DPP10: variants seen among roughly 807,000 people sequenced by gnomAD.
DPP10 encodes the protein inactive dipeptidyl peptidase 10.
In DPP10, 33 loss-of-function variants were observed where a neutral mutation model predicts 120.9. That is an observed-to-expected ratio of 0.27 (90% CI 0.21 to 0.37). DPP10 has a LOEUF of 0.37. DPP10 is among the 10% of genes least tolerant of loss of function. The pLI, the probability that DPP10 is intolerant of heterozygous loss-of-function variation, is 1.00. For missense variants in DPP10, 816 were observed against 942.8 expected (o/e 0.87, Z 1.76); for synonymous variants, 337 against 326.1 (o/e 1.03, Z -0.36).
At chr2:115,686,430 T>C (rs986970377) in intron 5 of DPP10, among the ~76,000 whole-genome samples, 1 of 152,084 alleles carries the variant, frequency 6.6e-6, no homozygotes, top group East Asian at 1.9e-4. Context: ...CATGAAAATG[T>C]TGTGACCAGA....
At chr2:115,148,191 T>C (rs962001885) in intron 1 of DPP10, among the ~76,000 whole-genome samples, 2 of 152,186 alleles carry the variant, frequency 1.3e-5, no homozygotes, top group East Asian at 3.9e-4. Context: ...TGTTTAGTTC[T>C]GCAATCAATA....
At chr2:115,001,325 T>C (rs1701425271) in intron 1 of DPP10, among the ~76,000 whole-genome samples, 2 of 152,162 alleles carry the variant, frequency 1.3e-5, no homozygotes, top group African/African-American at 2.4e-5. Context: ...TAGATGCAGA[T>C]AAGCCTTGAT....
At chr2:115,069,023 G>T (rs1241806643) in intron 1 of DPP10, among the ~76,000 whole-genome samples, 1 of 151,942 alleles carries the variant, frequency 6.6e-6, no homozygotes, top group Non-Finnish European at 1.5e-5. Context: ...TTCTTGTCAG[G>T]ATTACTTTTG....
Position 115,814,794 on chromosome 2 carries a change from G to A in DPP10, c.1702G>A (p.Asp568Asn), listed in dbSNP as rs1450920808. ...GGTCCAATATGTTGGTATTTGCAGG[G>A]ATGAAGAACCAGGAGGCCAGCTGGT... ...RNQYALLLIM[D>N]EEPGGQLVTD... is the part of the protein sequence containing the mutation. Residue 568 changes from aspartate to asparagine, a missense_variant and splice_region_variant, in exon 20 of 26, where the codon GAT becomes AAT. Asp to Asn is a conservative substitution (Grantham distance 23). Around this residue, in one of 3 missense-constraint regions of DPP10, gnomAD observed 592 missense variants for 649.0 expected, o/e 0.91. Coordinates refer to ENST00000410059, the MANE Select transcript of DPP10 (RefSeq NM_020868.6). The A allele has an allele frequency of 6.5e-7, 1 of 1,539,706 alleles. No homozygotes were observed. Among genetic ancestry groups the A allele is most frequent in the Non-Finnish European group, 8.9e-7 (1 of 1,128,696 alleles).
chr2:114,832,350 G>A (rs535763228), intron 1 of DPP10, among the ~76,000 whole-genome samples: 4 of 152,232 alleles, frequency 2.6e-5, no homozygotes, highest in South Asian at 4.1e-4. Flanking sequence ...TGGCTAACAC[G>A]GTGAAACACC....
intron 1 of DPP10, among the ~76,000 whole-genome samples, chr2:114,911,784 C>T (rs368943169): frequency 1.6e-4 from 25 of 152,100 alleles, no homozygotes; most frequent in African/African-American, 5.8e-4. Context: ...AGTGAGAAGA[C>T]TCTGAGGTTT....
chr2:114,940,440 C>T (rs568375944), intron 1 of DPP10, among the ~76,000 whole-genome samples: 14 of 151,860 alleles, frequency 9.2e-5, no homozygotes, highest in African/African-American at 3.4e-4. Context: ...GATTTGACAG[C>T]AGCAGACTTC....
intron 1 of DPP10, among the ~76,000 whole-genome samples, chr2:115,297,113 G>A (rs1470983701): frequency 1.3e-5 from 2 of 152,004 alleles, no homozygotes; most frequent in Non-Finnish European, 2.9e-5. Flanking sequence ...AATACTGTAT[G>A]CAAGTATCCC....
At chr2:115,361,831 G>A (rs1050983782) in intron 3 of DPP10, among the ~76,000 whole-genome samples, 3 of 152,010 alleles carry the variant, frequency 2.0e-5, no homozygotes, top group Non-Finnish European at 4.4e-5. Context: ...CAGAGGATCT[G>A]CTTGAGGTGT....
At chr2:115,420,405 T>C (rs1262708959) in intron 3 of DPP10, among the ~76,000 whole-genome samples, 1 of 152,204 alleles carries the variant, frequency 6.6e-6, no homozygotes, top group Non-Finnish European at 1.5e-5. Flanking sequence ...TTATCCATTA[T>C]GGATTAGAGT....
chr2:115,387,473 G>A (rs1002550772), intron 3 of DPP10, among the ~76,000 whole-genome samples: 1 of 152,084 alleles, frequency 6.6e-6, no homozygotes, highest in African/African-American at 2.4e-5. Context: ...TCATATCAAA[G>A]CAAAGTAGCA....
chr2:115,579,765 C>G (rs1048463991), intron 5 of DPP10: 5 of 152,172 alleles, frequency 3.3e-5, no homozygotes, highest in African/African-American at 1.2e-4. Context: ...TTCTCTCTCT[C>G]TCAGTTTCTC....
chr2:114,716,993 T>C (rs1160618617), intron 1 of DPP10, among the ~76,000 whole-genome samples: 1 of 152,056 alleles, frequency 6.6e-6, no homozygotes, highest in East Asian at 1.9e-4. Flanking sequence ...ACTTGAGGAG[T>C]GGAGAAGACT....
At chr2:114,665,313 G>T (rs1256552272) in intron 1 of DPP10, among the ~76,000 whole-genome samples, 1 of 152,176 alleles carries the variant, frequency 6.6e-6, no homozygotes, top group Non-Finnish European at 1.5e-5. Context: ...GGCCTATGCA[G>T]CTTTTTCTAC....
At chr2:114,647,046 C>G (rs948888234) in intron 1 of DPP10, among the ~76,000 whole-genome samples, 1 of 152,210 alleles carries the variant, frequency 6.6e-6, no homozygotes, top group East Asian at 1.9e-4. Context: ...GCTACACTGC[C>G]TTGCTTGCCA....
chr2:114,815,650 C>A (rs1334997917), intron 1 of DPP10, among the ~76,000 whole-genome samples: 1 of 152,150 alleles, frequency 6.6e-6, no homozygotes, highest in Non-Finnish European at 1.5e-5. Flanking sequence ...TCAGTCATCA[C>A]TAAATACGTA....
intron 1 of DPP10, among the ~76,000 whole-genome samples, chr2:114,779,708 G>C (rs1682111113): frequency 6.6e-6 from 1 of 152,128 alleles, no homozygotes; most frequent in Non-Finnish European, 1.5e-5. Context: ...GCCCAACCTT[G>C]CGCTAAAGTA....
At chr2:114,944,580 T>A (rs1697208403) in intron 1 of DPP10, among the ~76,000 whole-genome samples, 1 of 152,208 alleles carries the variant, frequency 6.6e-6, no homozygotes, top group East Asian at 1.9e-4. Context: ...TCAGGCATCA[T>A]TTGTTTTACT....
intron 1 of DPP10, among the ~76,000 whole-genome samples, chr2:115,247,291 G>A (rs2058576556): frequency 6.6e-6 from 1 of 152,052 alleles, no homozygotes. Context: ...ATTTTGTTTT[G>A]ATGTCAACCA....
Sources: gnomAD v4.1 joint callset for allele counts (sites outside exome capture counted in the v4.1 genomes callset) on GRCh38, gnomAD v4.1.1 for gene constraint, gnomAD v4.1.1 regional missense constraint, MANE v1.5 for transcripts, NCBI Gene and HGNC (gene_info 2026-07-23, HGNC 2026-07-21) for gene names.